TECRL: variants seen among roughly 807,000 people sequenced by gnomAD.
TECRL encodes the protein trans-2,3-enoyl-CoA reductase-like.
In TECRL, 63 loss-of-function variants were observed where a neutral mutation model predicts 52.8. That is an observed-to-expected ratio of 1.19 (90% CI 0.97 to 1.47). The LOEUF is 1.47. Ranked by LOEUF, TECRL falls within the 40% of genes most tolerant of loss-of-function variation. The probability of loss-of-function intolerance (pLI) is 0.00; values close to 1 mark genes in which losing one functional copy is unlikely to be tolerated. For synonymous variants in TECRL, 164 were observed against 141.9 expected (o/e 1.16, Z -1.10); for missense variants, 482 against 429.6 (o/e 1.12, Z -1.08).
At chr4:64,384,241 T>C (rs1164563489) in intron 1 of TECRL, among the ~76,000 whole-genome samples, 1 of 152,042 alleles carries the variant, frequency 6.6e-6, no homozygotes, top group Admixed American at 6.6e-5. Context: ...ACAGTGACAG[T>C]ATTCAGCTGG....
At chr4:64,302,872 C>CT (rs1724102153) in intron 7 of TECRL, among the ~76,000 whole-genome samples, 1 of 150,964 alleles carries the variant, frequency 6.6e-6, no homozygotes, top group East Asian at 1.9e-4. Flanking sequence ...ATACTATTTC[C>CT]TTTTTTGTTA....
chr4:64,353,670 C>A (rs142260869), intron 2 of TECRL, among the ~76,000 whole-genome samples: 1 of 152,054 alleles, frequency 6.6e-6, no homozygotes, highest in Non-Finnish European at 1.5e-5. Context: ...TATAAGATAT[C>A]GAGATGCCAT....
chr4:64,366,705 T>A (rs1452706324), intron 2 of TECRL, among the ~76,000 whole-genome samples: 1 of 152,022 alleles, frequency 6.6e-6, no homozygotes, highest in Non-Finnish European at 1.5e-5. Flanking sequence ...GAATTAACAA[T>A]CTCACACCAG....
intron 2 of TECRL, among the ~76,000 whole-genome samples, chr4:64,347,440 A>G (rs367975363): frequency 2.6e-5 from 4 of 152,266 alleles, no homozygotes; most frequent in Admixed American, 6.5e-5. Flanking sequence ...CTACTCCTTT[A>G]TAACTTCCTG....
chr4:64,408,047 T>C (rs1724844723), intron 1 of TECRL, among the ~76,000 whole-genome samples: 1 of 151,764 alleles, frequency 6.6e-6, no homozygotes. Context: ...TCATGACCTG[T>C]GTGCACTAAT....
chr4:64,313,135 A>C (rs1164420400), intron 5 of TECRL, among the ~76,000 whole-genome samples: 2 of 152,216 alleles, frequency 1.3e-5, no homozygotes, highest in African/African-American at 4.8e-5. Context: ...AAAGGAGGTC[A>C]GTGTGGCTGG....
intron 6 of TECRL, among the ~76,000 whole-genome samples, chr4:64,305,996 G>A (rs986302399): frequency 4.5e-4 from 69 of 152,104 alleles, no homozygotes; most frequent in African/African-American, 1.6e-3. Flanking sequence ...CTTCTTGGTC[G>A]TGGGACAATA....
At chr4:64,308,521 T>C (rs543270859) in intron 6 of TECRL, among the ~76,000 whole-genome samples, 36 of 152,154 alleles carry the variant, frequency 2.4e-4, no homozygotes, top group Non-Finnish European at 4.4e-4. Context: ...ACAGAAGGCT[T>C]CCTTGTCTTT....
intron 7 of TECRL, among the ~76,000 whole-genome samples, chr4:64,301,223 C>T (rs1353321550): frequency 4.0e-5 from 6 of 150,588 alleles, no homozygotes; most frequent in African/African-American, 1.5e-4. Context: ...CTTAGAAAAC[C>T]AGTGAATATT....
intron 2 of TECRL, among the ~76,000 whole-genome samples, chr4:64,356,106 C>A (rs1193241713): frequency 6.6e-6 from 1 of 152,054 alleles, no homozygotes; most frequent in Non-Finnish European, 1.5e-5. Flanking sequence ...TGTTTACAAG[C>A]AGTATGCTTG....
At chr4:64,302,802 T>G (rs1724098547) in intron 7 of TECRL, among the ~76,000 whole-genome samples, 1 of 151,468 alleles carries the variant, frequency 6.6e-6, no homozygotes, top group Admixed American at 6.6e-5. Flanking sequence ...TCATTTCATC[T>G]TCCTTAAATA....
At chr4:64,320,225 A>G (rs1289554248) in intron 4 of TECRL, among the ~76,000 whole-genome samples, 1 of 151,856 alleles carries the variant, frequency 6.6e-6, no homozygotes, top group East Asian at 1.9e-4. Flanking sequence ...TTTACTCAAT[A>G]TTTTGTAACA....
chr4:64,341,945 T>C (rs1315361727), intron 2 of TECRL, among the ~76,000 whole-genome samples: 1 of 152,086 alleles, frequency 6.6e-6, no homozygotes, highest in Non-Finnish European at 1.5e-5. Context: ...TCACACACCC[T>C]TTGTCACTCC....
chr4:64,409,318 GT>G lies in TECRL; in HGVS notation c.33del (p.Glu11AspfsTer16). 1 of 1,613,618 alleles carries G rather than the reference GT, an allele frequency of 6.2e-7. No individual in the cohort carries two copies. Among genetic ancestry groups the G allele is most frequent in the Non-Finnish European group, 8.5e-7 (1 of 1,179,716 alleles). MFKRHKSLASERKRALLSQRA... is the reference protein window; with the variant it reads MFKRHKSLASXRKRALLSQRA... Reference sequence around the variant, plus strand: ...CTTTGGGAAAGTAATGCTCTCTTGCGTTCCGAAGCGAGGGACTTGTGCCTTT... The same window carrying G: ...CTTTGGGAAAGTAATGCTCTCTTGCGTCCGAAGCGAGGGACTTGTGCCTTT... On this transcript the variant is annotated frameshift_variant, in exon 1 of 12. Coordinates refer to ENST00000381210, the MANE Select transcript of TECRL (RefSeq NM_001010874.5). LOFTEE classifies it high-confidence loss of function.
intron 2 of TECRL, among the ~76,000 whole-genome samples, chr4:64,341,407 C>A (rs1011126167): frequency 6.6e-6 from 1 of 152,052 alleles, no homozygotes; most frequent in African/African-American, 2.4e-5. Context: ...TGAGACCAGC[C>A]TAACCAACAT....
intron 2 of TECRL, 67 bp downstream of exon 2, chr4:64,375,105 G>T: frequency 2.4e-6 from 2 of 830,080 alleles, no homozygotes; most frequent in Non-Finnish European, 1.8e-6. Flanking sequence ...TGCACTTATA[G>T]AAAAATTTAA....
At chr4:64,303,468 G>A (rs533864146) in intron 7 of TECRL, among the ~76,000 whole-genome samples, 17 of 151,734 alleles carry the variant, frequency 1.1e-4, no homozygotes, top group Non-Finnish European at 2.4e-4. Flanking sequence ...CTGACTGGCT[G>A]TGGATTGGCT....
At position 64,342,341 on chromosome 4, in the gene TECRL, A is replaced by G. The variant is rs1719640812; in HGVS notation, c.287-13785T>C. Among the ~76,000 whole-genome samples, 3 of 152,118 alleles carry G rather than the reference A, an allele frequency of 2.0e-5. No homozygotes were observed. The South Asian group carries it at 6.2e-4, about 32-fold the overall frequency. ...TATGCAGTGATTGGAGGACTGCATGACACTGAAGAATGTGTGATGTGATTT... is the reference window on the plus strand; with the variant it reads ...TATGCAGTGATTGGAGGACTGCATGGCACTGAAGAATGTGTGATGTGATTT... On this transcript the variant is annotated intron_variant, in intron 2 of 11. Transcript: ENST00000381210.
At chr4:64,382,220 TATATATATATATATAG>T (rs1411942735) in intron 1 of TECRL, among the ~76,000 whole-genome samples, 78 of 3,280 alleles carry the variant, frequency 0.024, 1 homozygote, top group African/African-American at 0.027. Flanking sequence ...TATATATATA[TATATATATATATATAG>T]TATTATGTAT....
Sources: allele counts gnomAD v4.1 joint callset (sites outside exome capture counted in the v4.1 genomes callset), GRCh38; gene constraint gnomAD v4.1.1; transcripts MANE v1.5; gene names NCBI Gene and HGNC (gene_info 2026-07-23, HGNC 2026-07-21).